ANKHD1: variants seen among roughly 807,000 people sequenced by gnomAD.
ANKHD1 encodes the protein ankyrin repeat and KH domain containing 1, also known as ankyrin repeat and KH domain-containing protein 1.
A neutral mutation model predicts 230.5 loss-of-function variants in ANKHD1; 31 were observed. That is an observed-to-expected ratio of 0.13 (90% confidence interval 0.10 to 0.18). ANKHD1 has a LOEUF of 0.18. Ranked by LOEUF, ANKHD1 falls within the 10% of genes least tolerant of loss-of-function variation. ANKHD1 has a pLI of 1.00. For missense variants in ANKHD1, 2,256 were observed against 3,071.3 expected, an observed-to-expected ratio of 0.73 and a Z score of 6.27; for synonymous variants, 1,074 against 1,117.6, an observed-to-expected ratio of 0.96 and a Z score of 0.78.
chr5:140,463,826 TTTTG>T (rs934735666), intron 9 of ANKHD1, among the ~76,000 whole-genome samples: 7 of 151,830 alleles, frequency 4.6e-5, no homozygotes, highest in Non-Finnish European at 8.8e-5. Flanking sequence ...TGGCTAATTT[TTTTG>T]TTTGTTTGTT....
chr5:140,425,888 C>T (rs1772368813), intron 1 of ANKHD1, among the ~76,000 whole-genome samples: 1 of 152,090 alleles, frequency 6.6e-6, no homozygotes, highest in Non-Finnish European at 1.5e-5. Context: ...TCAGTAATTA[C>T]TTCTTGGAAC....
At chr5:140,440,687 A>G (rs1773787706) in intron 4 of ANKHD1, among the ~76,000 whole-genome samples, 1 of 152,178 alleles carries the variant, frequency 6.6e-6, no homozygotes, top group Non-Finnish European at 1.5e-5. Context: ...TCTTGTGAGT[A>G]TAGTTTTGCT....
intron 24 of ANKHD1, among the ~76,000 whole-genome samples, chr5:140,518,972 A>G (rs1252811661): frequency 2.6e-5 from 4 of 152,190 alleles, no homozygotes; most frequent in Non-Finnish European, 4.4e-5. Flanking sequence ...AGGGTATTCA[A>G]TTAGGAAAAG....
intron 1 of ANKHD1, among the ~76,000 whole-genome samples, chr5:140,418,854 G>A (rs758825328): frequency 2.6e-5 from 4 of 151,970 alleles, no homozygotes; most frequent in East Asian, 1.9e-4. Context: ...CCTCAGCCTC[G>A]CGAGTAGCTG....
At chr5:140,449,350 G>A (rs1222385808) in intron 7 of ANKHD1, 45 bp downstream of exon 7, 9 of 1,589,758 alleles carry the variant, frequency 5.7e-6, no homozygotes, top group Non-Finnish European at 7.7e-6. Context: ...GGAAGAAAAG[G>A]TCGTATGTGT....
intron 29 of ANKHD1, among the ~76,000 whole-genome samples, chr5:140,533,775 CAAAAAAA>C (rs1167136822): frequency 6.7e-5 from 2 of 29,660 alleles, no homozygotes; most frequent in Non-Finnish European, 1.5e-4. Flanking sequence ...GACCCTGTCT[CAAAAAAA>C]AAAAAAAAAA....
chr5:140,538,846 G>A, intron 32 of ANKHD1, 73 bp from the exon 33 acceptor site: 1 of 1,340,312 alleles, frequency 7.5e-7, no homozygotes, highest in Non-Finnish European at 9.6e-7. Flanking sequence ...GTCTAAGCTG[G>A]TATTATGGGA....
At chr5:140,407,116 G>A (rs2126837771) in intron 1 of ANKHD1, among the ~76,000 whole-genome samples, 1 of 152,082 alleles carries the variant, frequency 6.6e-6, no homozygotes, top group African/African-American at 2.4e-5. Flanking sequence ...CCAACATGGT[G>A]AAACCCCATC....
chr5:140,515,229 G>A (rs1316720924), intron 24 of ANKHD1, among the ~76,000 whole-genome samples: 1 of 149,032 alleles, frequency 6.7e-6, no homozygotes, highest in Non-Finnish European at 1.5e-5. Flanking sequence ...AGTGAGCTGA[G>A]ATCACGCCAC....
chr5:140,471,401 C>A (rs776776615), intron 10 of ANKHD1, among the ~76,000 whole-genome samples: 11 of 152,134 alleles, frequency 7.2e-5, no homozygotes, highest in Non-Finnish European at 5.9e-5. Context: ...TTTAATGGGA[C>A]TGGCTATTTA....
rs1049074035 is a variant in ANKHD1, at chr5:140,415,658, G to A, written c.306+13385G>A. ...TTGCCATGTTGGCCAGGCTGGTCTT[G>A]AACTCCTGACCTCAAGTGATCTGCC... On this transcript the variant is annotated intron_variant, in intron 1 of 33. Coordinates refer to ENST00000360839, the MANE Select transcript of ANKHD1 (RefSeq NM_017747.3). Among the ~76,000 whole-genome samples, 6 of 151,644 alleles carry A rather than the reference G, an allele frequency of 4.0e-5. No individual in the cohort carries two copies. In the South Asian group the frequency reaches 6.3e-4, roughly 16 times the overall value.
chr5:140,425,828 C>T (rs1772362901), intron 1 of ANKHD1, among the ~76,000 whole-genome samples: 2 of 152,110 alleles, frequency 1.3e-5, no homozygotes, highest in South Asian at 4.1e-4. Flanking sequence ...GTTGCTACTG[C>T]TAGAATTTTG....
intron 1 of ANKHD1, among the ~76,000 whole-genome samples, chr5:140,407,111 A>G (rs1770527151): frequency 6.6e-6 from 1 of 151,962 alleles, no homozygotes; most frequent in Admixed American, 6.6e-5. Context: ...CCAGACCAAC[A>G]TGGTGAAACC....
intron 1 of ANKHD1, among the ~76,000 whole-genome samples, chr5:140,404,654 C>G (rs1180586196): frequency 6.6e-6 from 1 of 151,608 alleles, no homozygotes; most frequent in Admixed American, 6.6e-5. Flanking sequence ...AGGTGGGTCT[C>G]AAACTCCTGA....
At chr5:140,491,905 C>A (rs1007484426) in intron 14 of ANKHD1, among the ~76,000 whole-genome samples, 7 of 152,006 alleles carry the variant, frequency 4.6e-5, no homozygotes, top group Non-Finnish European at 8.8e-5. Flanking sequence ...ATTTTGAAGG[C>A]AGAAGAAAAT....
At chr5:140,457,610 A>T (rs1307685435) in intron 7 of ANKHD1, among the ~76,000 whole-genome samples, 1 of 152,160 alleles carries the variant, frequency 6.6e-6, no homozygotes, top group Non-Finnish European at 1.5e-5. Context: ...AAGAACAAAA[A>T]ACCAGACAGC....
chr5:140,454,158 T>A (rs1432303305), intron 7 of ANKHD1, among the ~76,000 whole-genome samples: 1 of 152,160 alleles, frequency 6.6e-6, no homozygotes, highest in Non-Finnish European at 1.5e-5. Context: ...CAAGAAGAGC[T>A]AACTATCTTA....
At chr5:140,419,722 T>TTTTC (rs967593537) in intron 1 of ANKHD1, among the ~76,000 whole-genome samples, 1 of 151,802 alleles carries the variant, frequency 6.6e-6, no homozygotes. Context: ...CCTGCCTGTC[T>TTTTC]TTTCTTTCTT....
intron 30 of ANKHD1, 133 bp downstream of exon 30, chr5:140,535,671 A>C: frequency 8.2e-7 from 1 of 1,220,380 alleles, no homozygotes; most frequent in Non-Finnish European, 1.1e-6. Flanking sequence ...TTCTGTGGTC[A>C]TGTGAAAAAA....
Sources: gnomAD v4.1 joint callset for allele counts (sites outside exome capture counted in the v4.1 genomes callset) on GRCh38, gnomAD v4.1.1 for gene constraint, MANE v1.5 for transcripts, NCBI Gene and HGNC (gene_info 2026-07-23, HGNC 2026-07-21) for gene names.